DPY19L1: variants seen among roughly 807,000 people sequenced by gnomAD.
DPY19L1 encodes the protein protein C-mannosyl-transferase DPY19L1.
DPY19L1 carries 35 observed loss-of-function variants against 96.9 expected under a neutral mutation model. The observed-to-expected ratio is 0.36, with a 90% CI of 0.28 to 0.48. DPY19L1 has a LOEUF of 0.48. DPY19L1 is among the 20% of genes least tolerant of loss of function. The pLI is 0.99. For missense variants in DPY19L1, 521 were observed against 777.9 expected, an observed-to-expected ratio of 0.67 and a Z score of 3.93; for synonymous variants, 205 against 252.6, an observed-to-expected ratio of 0.81 and a Z score of 1.79.
intron 1 of DPY19L1, among the ~76,000 whole-genome samples, chr7:35,034,500 C>G (rs1786338930): frequency 6.6e-6 from 1 of 152,134 alleles, no homozygotes; most frequent in Non-Finnish European, 1.5e-5. Flanking sequence ...TGTCAAGAAC[C>G]CCTCTTTACA....
At chr7:34,965,567 A>G (rs1784592519) in intron 10 of DPY19L1, among the ~76,000 whole-genome samples, 1 of 152,202 alleles carries the variant, frequency 6.6e-6, no homozygotes, top group African/African-American at 2.4e-5. Context: ...ACTTAAAAGT[A>G]ACAATAAAGT....
chr7:34,976,167 TA>T (rs562891668), intron 7 of DPY19L1, among the ~76,000 whole-genome samples: 50 of 152,300 alleles, frequency 3.3e-4, no homozygotes, highest in Admixed American at 2.2e-3. Context: ...TGGAGTGGAT[TA>T]ACTATTTCAG....
chr7:34,950,524 T>C (rs1296080417), intron 13 of DPY19L1, among the ~76,000 whole-genome samples: 4 of 152,116 alleles, frequency 2.6e-5, no homozygotes, highest in Non-Finnish European at 4.4e-5. Flanking sequence ...ACATAAAACA[T>C]TTGCCAAATG....
chr7:34,938,263 G>C (rs1783916120), intron 20 of DPY19L1, 144 bp from the exon 21 acceptor site: 2 of 913,542 alleles, frequency 2.2e-6, no homozygotes, highest in East Asian at 2.7e-5. Context: ...TCCCGCTAAG[G>C]GGCATCAGTG....
chr7:34,952,102 A>C (rs1784279139), intron 13 of DPY19L1, among the ~76,000 whole-genome samples: 1 of 138,562 alleles, frequency 7.2e-6, no homozygotes, highest in African/African-American at 2.6e-5. Context: ...AGTTGCCAGA[A>C]AGTAGGAAAA....
At position 35,010,568 on chromosome 7, in the gene DPY19L1, A is replaced by T; in HGVS notation, c.671-7T>A. The T allele has an allele frequency of 1.9e-6, 3 of 1,575,902 alleles. No homozygotes were observed. Among genetic ancestry groups the T allele is most frequent in the Non-Finnish European group, 2.6e-6 (3 of 1,150,850 alleles). ...CAAGCAGGATCTCCCAATCCTTTAA[A>T]AATAAACAAAACATATGTTCTAATC... On this transcript the variant is annotated splice_region_variant and splice_polypyrimidine_tract_variant and intron_variant, in intron 5 of 21. Transcript: ENST00000638088.
intron 1 of DPY19L1, among the ~76,000 whole-genome samples, chr7:35,026,740 T>C (rs1786128699): frequency 6.6e-6 from 1 of 151,544 alleles, no homozygotes; most frequent in Non-Finnish European, 1.5e-5. Context: ...GAGGGAGAGG[T>C]TGGCAAAACG....
chr7:35,023,358 T>C (rs1250098270), intron 1 of DPY19L1, among the ~76,000 whole-genome samples: 1 of 152,110 alleles, frequency 6.6e-6, no homozygotes, highest in Non-Finnish European at 1.5e-5. Context: ...GTCCTTTCTC[T>C]TTCTCCTCCC....
chr7:34,986,156 AGAGAT>A (rs1785042679), intron 7 of DPY19L1, among the ~76,000 whole-genome samples: 1 of 152,020 alleles, frequency 6.6e-6, no homozygotes, highest in Admixed American at 6.6e-5. Flanking sequence ...GGCTCAGGGG[AGAGAT>A]GGGTAATGTG....
chr7:34,931,664 A>G lies in DPY19L1; in HGVS notation c.2156T>C (p.Leu719Ser). 2 of 1,598,982 alleles carry G rather than the reference A, an allele frequency of 1.3e-6. No homozygotes were observed. The change falls in exon 22 of 22, where the codon TTA becomes TCA. Residue 719 changes from leucine to serine, a missense_variant. Leu to Ser is a moderately radical substitution (Grantham distance 145). Transcript: ENST00000638088. The part of the protein sequence containing the change: ...EDPANAGKTP[L>S]CNLLVKDSKP... ...GGAATCCTTCACCAAGAGGTTACAT[A>G]AGGGAGTTTTCCCAGCATTGGCAGG...
chr7:35,034,520 AC>A (rs1786339651), intron 1 of DPY19L1, among the ~76,000 whole-genome samples: 2 of 152,240 alleles, frequency 1.3e-5, no homozygotes, highest in African/African-American at 4.8e-5. Context: ...AAATATTAGC[AC>A]TAAATAAGTA....
At chr7:34,967,585 A>G (rs1264391437) in intron 9 of DPY19L1, among the ~76,000 whole-genome samples, 2 of 152,184 alleles carry the variant, frequency 1.3e-5, no homozygotes, top group African/African-American at 4.8e-5. Flanking sequence ...TTCTAAGAGT[A>G]CTGGAATTAT....
intron 6 of DPY19L1, among the ~76,000 whole-genome samples, chr7:35,002,303 G>C (rs899037203): frequency 6.6e-6 from 1 of 151,354 alleles, no homozygotes; most frequent in Non-Finnish European, 1.5e-5. Flanking sequence ...AATGTTTATA[G>C]AACAAACAAA....
At chr7:34,982,203 T>C (rs866924744) in intron 7 of DPY19L1, among the ~76,000 whole-genome samples, 1 of 152,206 alleles carries the variant, frequency 6.6e-6, no homozygotes, top group Non-Finnish European at 1.5e-5. Context: ...GAATAAACTA[T>C]GAAAATGAGA....
At chr7:34,948,495 T>C (rs1784200363) in intron 14 of DPY19L1, among the ~76,000 whole-genome samples, 1 of 152,174 alleles carries the variant, frequency 6.6e-6, no homozygotes, top group Admixed American at 6.6e-5. Context: ...ACAGTCCCTA[T>C]GAATTAAGAT....
At chr7:34,984,830 C>T (rs1047048162) in intron 7 of DPY19L1, among the ~76,000 whole-genome samples, 7 of 152,088 alleles carry the variant, frequency 4.6e-5, no homozygotes, top group African/African-American at 1.7e-4. Flanking sequence ...TATCCTACCT[C>T]CAATTATTAA....
intron 10 of DPY19L1, among the ~76,000 whole-genome samples, chr7:34,962,397 A>G (rs902813803): frequency 3.3e-5 from 5 of 152,244 alleles, no homozygotes; most frequent in African/African-American, 9.6e-5. Flanking sequence ...ACAAAAGGCA[A>G]AACTATGGAA....
chr7:34,997,352 G>A (rs1785310036), intron 6 of DPY19L1, among the ~76,000 whole-genome samples: 3 of 149,854 alleles, frequency 2.0e-5, no homozygotes, highest in African/African-American at 7.4e-5. Context: ...CAGCACTTTG[G>A]GAGGCCGAGG....
chr7:34,991,319 CTG>C (rs1023547446), intron 6 of DPY19L1, among the ~76,000 whole-genome samples: 2 of 152,166 alleles, frequency 1.3e-5, no homozygotes, highest in South Asian at 2.1e-4. Context: ...AATCATAAGA[CTG>C]TGTGATTTTT....
Sources: gnomAD v4.1 joint callset for allele counts (sites outside exome capture counted in the v4.1 genomes callset) on GRCh38, gnomAD v4.1.1 for gene constraint, MANE v1.5 for transcripts, NCBI Gene and HGNC (gene_info 2026-07-23, HGNC 2026-07-21) for gene names.